PLXNA4: variants seen among roughly 807,000 people sequenced by gnomAD.
PLXNA4 encodes plexin-A4.
Under a neutral mutation model 191.8 loss-of-function variants are expected in PLXNA4, and 44 were observed. That is an observed-to-expected ratio of 0.23 (90% CI 0.18 to 0.29). The LOEUF is 0.29. Among genes scored for constraint, PLXNA4 ranks in the 10% least tolerant of loss-of-function variants. PLXNA4 has a pLI of 1.00. For synonymous variants in PLXNA4, 1,082 were observed against 1,009.5 expected, an observed-to-expected ratio of 1.07 and a Z score of -1.36; for missense variants, 1,800 against 2,488.8, an observed-to-expected ratio of 0.72 and a Z score of 5.89.
chr7:132,289,284 A>T (rs1274763386), intron 4 of PLXNA4, among the ~76,000 whole-genome samples: 3 of 151,988 alleles, frequency 2.0e-5, no homozygotes, highest in Non-Finnish European at 4.4e-5. Context: ...TTAAAATGCA[A>T]CCCTTTCACC....
In PLXNA4 at chr7:132,515,164, G is replaced by A. The variant is rs555924948; in HGVS notation, c.-86-6385C>T. Reference sequence around the variant, plus strand: ...CTCTTCCACCAGATGTAACCTTGGAGAGGCAAGGGCCTAAGAACCGCTAGT... The same window carrying A: ...CTCTTCCACCAGATGTAACCTTGGAAAGGCAAGGGCCTAAGAACCGCTAGT... On this transcript the variant is annotated intron_variant, in intron 1 of 31. Coordinates refer to ENST00000321063, the MANE Select transcript of PLXNA4 (RefSeq NM_020911.2). Among the ~76,000 whole-genome samples, 4 of 152,192 alleles carry A rather than the reference G, an allele frequency of 2.6e-5. No homozygotes were observed. The South Asian group carries it at 8.3e-4, about 32-fold the overall frequency.
intron 2 of PLXNA4, among the ~76,000 whole-genome samples, chr7:132,635,404 C>A (rs1803581708): frequency 6.6e-6 from 1 of 151,968 alleles, no homozygotes; most frequent in South Asian, 2.1e-4. Context: ...AGGGATATGG[C>A]CCCTGTCCCC....
intron 3 of PLXNA4, among the ~76,000 whole-genome samples, chr7:132,449,513 A>C (rs988300885): frequency 2.0e-5 from 3 of 152,178 alleles, no homozygotes; most frequent in African/African-American, 7.2e-5. Context: ...CCATGCCCAA[A>C]GAGATGAACG....
intron 1 of PLXNA4, among the ~76,000 whole-genome samples, chr7:132,511,230 T>C (rs563777948): frequency 1.3e-5 from 2 of 152,314 alleles, no homozygotes; most frequent in African/African-American, 4.8e-5. Context: ...GCAAATACTT[T>C]CACATAGCTT....
intron 1 of PLXNA4, among the ~76,000 whole-genome samples, chr7:132,540,170 T>C (rs978299417): frequency 6.6e-6 from 1 of 152,144 alleles, no homozygotes; most frequent in African/African-American, 2.4e-5. Context: ...TGAGAAACAC[T>C]GATCAACCCA....
intron 1 of PLXNA4, among the ~76,000 whole-genome samples, chr7:132,535,439 C>T (rs1183976225): frequency 6.6e-6 from 1 of 152,178 alleles, no homozygotes; most frequent in Admixed American, 6.5e-5. Context: ...CCTCAAGACC[C>T]AGCCCTTGGT....
intron 3 of PLXNA4, among the ~76,000 whole-genome samples, chr7:132,421,578 G>T (rs960018365): frequency 2.0e-5 from 3 of 146,586 alleles, no homozygotes; most frequent in African/African-American, 7.4e-5. Flanking sequence ...TATTGCTAAA[G>T]TTTTTTTTTT....
intron 3 of PLXNA4, among the ~76,000 whole-genome samples, chr7:132,419,916 C>CT (rs893028586): frequency 1.7e-3 from 251 of 149,882 alleles, no homozygotes; most frequent in African/African-American, 5.5e-3. Context: ...ACATAGCCTT[C>CT]TTTTTTTTTT....
intron 2 of PLXNA4, among the ~76,000 whole-genome samples, chr7:132,633,598 G>A (rs1357152403): frequency 6.6e-6 from 1 of 152,098 alleles, no homozygotes; most frequent in Non-Finnish European, 1.5e-5. Flanking sequence ...TCATTCTTGT[G>A]CAGATTGTTC....
intron 1 of PLXNA4, among the ~76,000 whole-genome samples, chr7:132,551,043 C>G (rs1484179619): frequency 6.6e-6 from 1 of 152,208 alleles, no homozygotes; most frequent in Non-Finnish European, 1.5e-5. Context: ...ACTTCTGGGC[C>G]TCTGCCTTCC....
At chr7:132,487,424 G>T (rs1428865994) in intron 3 of PLXNA4, among the ~76,000 whole-genome samples, 1 of 152,174 alleles carries the variant, frequency 6.6e-6, no homozygotes, top group African/African-American at 2.4e-5. Flanking sequence ...AGGTGAAGCA[G>T]GTCTCAGTGC....
intron 2 of PLXNA4, among the ~76,000 whole-genome samples, chr7:132,595,186 C>T (rs532222190): frequency 4.6e-5 from 7 of 152,184 alleles, no homozygotes; most frequent in African/African-American, 1.4e-4. Flanking sequence ...CCCATCTTCC[C>T]ACAGAGACCT....
At chr7:132,631,690 C>T (rs1254785802) in intron 2 of PLXNA4, among the ~76,000 whole-genome samples, 2 of 152,156 alleles carry the variant, frequency 1.3e-5, no homozygotes, top group African/African-American at 2.4e-5. Context: ...ACTCCATAGA[C>T]CATCCCCCAA....
intron 1 of PLXNA4, among the ~76,000 whole-genome samples, chr7:132,548,605 A>G (rs569884247): frequency 6.6e-6 from 1 of 152,334 alleles, no homozygotes; most frequent in Non-Finnish European, 1.5e-5. Context: ...TCCAATAAAT[A>G]CCCAACGTAG....
In PLXNA4 at chr7:132,495,155, C is replaced by T. The variant is rs138328743; in HGVS notation, c.1189-5681G>A. Among the ~76,000 whole-genome samples the T allele has an allele frequency of 6.6e-5, 10 of 152,320 alleles. No homozygotes were observed. The East Asian group carries it at 1.9e-3, about 29-fold the overall frequency. On this transcript the variant is annotated intron_variant, in intron 2 of 31. Coordinates refer to ENST00000321063, the MANE Select transcript of PLXNA4 (RefSeq NM_020911.2). The stretch of plus-strand genomic sequence containing the variant: ...TCCCCTGACCCCAGCCTGCACAGCC[C>T]CTGGTGTGAGTCCTGATTGCACCTC...
At chr7:132,252,754 A>G (rs1273878136) in intron 4 of PLXNA4, among the ~76,000 whole-genome samples, 1 of 152,092 alleles carries the variant, frequency 6.6e-6, no homozygotes, top group Non-Finnish European at 1.5e-5. Context: ...GCACCTAGAC[A>G]CCGGTGGTTG....
intron 1 of PLXNA4, among the ~76,000 whole-genome samples, chr7:132,569,712 T>C (rs531099818): frequency 1.3e-5 from 2 of 152,338 alleles, no homozygotes; most frequent in East Asian, 1.9e-4. Flanking sequence ...AGGGGACATA[T>C]TGGAATCATC....
chr7:132,468,217 G>C (rs1429301586), intron 3 of PLXNA4, among the ~76,000 whole-genome samples: 1 of 151,646 alleles, frequency 6.6e-6, no homozygotes, highest in Non-Finnish European at 1.5e-5. Flanking sequence ...AACTGCCAAG[G>C]CTTTAAATGA....
chr7:132,269,913 G>A (rs1442055415), intron 4 of PLXNA4, among the ~76,000 whole-genome samples: 1 of 152,062 alleles, frequency 6.6e-6, no homozygotes, highest in Non-Finnish European at 1.5e-5. Flanking sequence ...GTACATTATG[G>A]GAAGTCAGTG....
Sources: allele counts gnomAD v4.1 joint callset (sites outside exome capture counted in the v4.1 genomes callset), GRCh38; gene constraint gnomAD v4.1.1; transcripts MANE v1.5; gene names NCBI Gene and HGNC (gene_info 2026-07-23, HGNC 2026-07-21).